Variants in CASTOR2 observed in about 807,000 individuals in gnomAD.
CASTOR2 encodes the protein GATS protein like 2.
CASTOR2 carries 8 observed loss-of-function variants against 31.2 expected under a neutral mutation model. That is an observed-to-expected ratio of 0.26 (90% CI 0.15 to 0.46). CASTOR2 has a LOEUF of 0.46. CASTOR2 is among the 20% of genes least tolerant of loss of function. The pLI, the probability that CASTOR2 is intolerant of heterozygous loss-of-function variation, is 0.99. For synonymous variants in CASTOR2, 162 were observed against 158.7 expected (o/e 1.02, Z -0.16); for missense variants, 216 against 382.1 (o/e 0.57, Z 3.62).
chr7:74,997,767 ACT>A (rs1295053881), intron 1 of CASTOR2, among the ~76,000 whole-genome samples: 1 of 151,450 alleles, frequency 6.6e-6, no homozygotes, highest in Non-Finnish European at 1.5e-5. Context: ...GGTACTTGTA[ACT>A]CTGTAAAAAG....
At chr7:74,988,801 C>T (rs1481687748) in intron 1 of CASTOR2, among the ~76,000 whole-genome samples, 5 of 151,924 alleles carry the variant, frequency 3.3e-5, no homozygotes, top group Admixed American at 3.3e-4. Flanking sequence ...AGGCTTTCAT[C>T]CCATTTATAT....
chr7:74,972,007 C>G (rs1356467353), intron 1 of CASTOR2, among the ~76,000 whole-genome samples: 1 of 150,898 alleles, frequency 6.6e-6, no homozygotes, highest in Non-Finnish European at 1.5e-5. Context: ...ATTTTGGAGA[C>G]AAGCTCTGTT....
chr7:75,008,894 G>A (rs1774458595), intron 2 of CASTOR2, among the ~76,000 whole-genome samples: 3 of 152,102 alleles, frequency 2.0e-5, no homozygotes, highest in African/African-American at 7.2e-5. Flanking sequence ...AGACTGTAGT[G>A]TGCCATGATC....
At chr7:75,014,859 C>T (rs1319930299) in intron 2 of CASTOR2, among the ~76,000 whole-genome samples, 1 of 152,254 alleles carries the variant, frequency 6.6e-6, no homozygotes, top group African/African-American at 2.4e-5. Flanking sequence ...TCAGCACCCC[C>T]TCAAGGTGTA....
At chr7:75,011,451 G>A (rs1460584548) in intron 2 of CASTOR2, among the ~76,000 whole-genome samples, 1 of 138,250 alleles carries the variant, frequency 7.2e-6, no homozygotes, top group African/African-American at 2.6e-5. Flanking sequence ...AAAAAAGTTT[G>A]AGGCCGGGCG....
intron 1 of CASTOR2, among the ~76,000 whole-genome samples, chr7:74,995,797 G>C (rs1430345208): frequency 6.6e-6 from 1 of 150,786 alleles, no homozygotes; most frequent in African/African-American, 2.4e-5. Context: ...AACAGAGCGA[G>C]ACTCCATCTC....
chr7:75,002,738 T>G (rs1804525079), intron 1 of CASTOR2, among the ~76,000 whole-genome samples: 1 of 151,866 alleles, frequency 6.6e-6, no homozygotes, highest in South Asian at 2.1e-4. Context: ...GCCTTGAGTT[T>G]GCTTTGTGGG....
intron 2 of CASTOR2, among the ~76,000 whole-genome samples, 195 bp from the exon 3 acceptor site, chr7:75,017,403 C>T (rs1370292402): frequency 2.0e-5 from 3 of 151,924 alleles, no homozygotes; most frequent in East Asian, 1.9e-4. Flanking sequence ...GCCGAGATCG[C>T]GCTACTCCAG....
chr7:74,989,594 T>C (rs140188052), intron 1 of CASTOR2, among the ~76,000 whole-genome samples: 5,523 of 150,216 alleles, frequency 0.037, 130 homozygotes, highest in African/African-American at 0.055. Context: ...TTTTTTTTTT[T>C]CTGTAGAGAT....
intron 1 of CASTOR2, among the ~76,000 whole-genome samples, chr7:74,987,153 T>C (rs1298907216): frequency 6.6e-6 from 1 of 150,742 alleles, no homozygotes; most frequent in Admixed American, 6.6e-5. Flanking sequence ...ACCTGTAATC[T>C]CAGCACTTCG....
chr7:75,009,392 C>A (rs1163776688), intron 2 of CASTOR2, among the ~76,000 whole-genome samples: 1 of 149,730 alleles, frequency 6.7e-6, no homozygotes, highest in East Asian at 2.0e-4. Context: ...CTCAGTCTCC[C>A]GAGTAGCTGG....
At chr7:74,965,878 ACACACTCTCT>A (rs1803565909) in intron 1 of CASTOR2, among the ~76,000 whole-genome samples, 2 of 22,288 alleles carry the variant, frequency 9.0e-5, no homozygotes, top group African/African-American at 4.2e-4. Flanking sequence ...ACACACACAC[ACACACTCTCT>A]CTCTCTCTCT....
chr7:75,028,080 C>T lies in CASTOR2; in HGVS notation c.*3381C>T. ...TGGCGCTGGCGGATGGGGCAGGTGCCTGGCGGGGGAGGAAGAGGGCTCTCT... is the reference window on the plus strand; with the variant it reads ...TGGCGCTGGCGGATGGGGCAGGTGCTTGGCGGGGGAGGAAGAGGGCTCTCT... On this transcript the variant is annotated 3_prime_UTR_variant, in exon 9 of 9. Coordinates refer to ENST00000616305, the MANE Select transcript of CASTOR2 (RefSeq NM_001145064.3). 1 of 1,530,434 alleles carries T rather than the reference C, an allele frequency of 6.5e-7. No individual in the cohort carries two copies. The highest frequency in any genetic ancestry group is 8.7e-7 in the Non-Finnish European group (1 of 1,145,536). The allele number at this position is 1,530,434 out of a possible 1,614,324, so 94.8% of individuals were successfully genotyped here.
Position 75,018,065 on chromosome 7 carries a change from G to A in CASTOR2, c.454G>A (p.Glu152Lys). Residue 152 changes from glutamate (E) to lysine (K), a missense_variant, in exon 4 of 9, where the codon GAG (glutamate) becomes AAG (lysine). By Grantham distance (56) the Glu-to-Lys change is moderately conservative. This residue lies in a region of CASTOR2 where 114 missense variants were observed against 194.2 expected (regional missense o/e 0.59). Coordinates refer to ENST00000616305, the MANE Select transcript of CASTOR2 (RefSeq NM_001145064.3). ...CACCATCCTGCGGGTCGTCAATGGC[G>A]AGACCGTGGCAGCCGAGAACCTCGG... ...EFTILRVVNG[E>K]TVAAENLGIT... 2 of 1,614,176 alleles carry A rather than the reference G, an allele frequency of 1.2e-6. No individual in the cohort carries two copies. The highest frequency in any genetic ancestry group is 1.7e-6 in the Non-Finnish European group (2 of 1,180,018).
intron 7 of CASTOR2, among the ~76,000 whole-genome samples, chr7:75,024,166 T>C (rs1474517213): frequency 6.6e-6 from 1 of 152,180 alleles, no homozygotes; most frequent in African/African-American, 2.4e-5. Flanking sequence ...GGTACACGCC[T>C]ATAATCCCAG....
chr7:75,007,781 G>T (rs1318970435), intron 1 of CASTOR2: 6 of 680,416 alleles, frequency 8.8e-6, no homozygotes, highest in Non-Finnish European at 1.6e-5. Flanking sequence ...CGGGGGTATA[G>T]TGGGGACAAT....
At chr7:75,005,706 C>T (rs1193166296) in intron 1 of CASTOR2, among the ~76,000 whole-genome samples, 40 of 152,166 alleles carry the variant, frequency 2.6e-4, no homozygotes, top group Non-Finnish European at 5.0e-4. Context: ...TAAGAAATTG[C>T]CGGCTGGGTG....
rs971646308 is a variant in CASTOR2 at position 75,026,822 on chromosome 7, C to T, written c.*2123C>T. Among the ~76,000 whole-genome samples the T allele has an allele frequency of 6.6e-5, 10 of 152,162 alleles. No individual in the cohort carries two copies. Among genetic ancestry groups the T allele is most frequent in the African/African-American group, 2.4e-4 (10 of 41,426 alleles). ...GCCTTGATTTTCCTTTCTGTCATTT[C>T]CCCCTGACGGTGTCACTTCTCTGCC... On this transcript the variant is annotated 3_prime_UTR_variant, in exon 9 of 9. Coordinates refer to ENST00000616305, the MANE Select transcript of CASTOR2 (RefSeq NM_001145064.3).
chr7:74,975,913 CATGGAGAGGCCCAT>C (rs1404941506), intron 1 of CASTOR2, among the ~76,000 whole-genome samples: 1 of 147,324 alleles, frequency 6.8e-6, no homozygotes, highest in Non-Finnish European at 1.5e-5. Flanking sequence ...CAAGCAGCCC[CATGGAGAGGCCCAT>C]ATGGAGAGGA....
Sources: allele counts gnomAD v4.1 joint callset (sites outside exome capture counted in the v4.1 genomes callset), GRCh38; gene constraint gnomAD v4.1.1; regional missense constraint gnomAD v4.1.1; transcripts MANE v1.5; gene names NCBI Gene and HGNC (gene_info 2026-07-23, HGNC 2026-07-21).